RIMS2: variants seen among roughly 807,000 people sequenced by gnomAD.
The protein encoded by RIMS2 is regulating synaptic membrane exocytosis 2.
A neutral mutation model predicts 174.4 loss-of-function variants in RIMS2; 59 were observed. The ratio of observed to expected loss-of-function variants is 0.34; its 90% CI spans 0.27 to 0.42. The LOEUF (loss-of-function observed/expected upper bound fraction) is 0.42, where lower values mean the gene tolerates loss of function less well. Among genes scored for constraint, RIMS2 ranks in the 10% least tolerant of loss-of-function variants. The pLI, the probability that RIMS2 is intolerant of heterozygous loss-of-function variation, is 1.00. For synonymous variants in RIMS2, 606 were observed against 572.5 expected, an observed-to-expected ratio of 1.06 and a Z score of -0.84; for missense variants, 1,620 against 1,666.3, an observed-to-expected ratio of 0.97 and a Z score of 0.48.
chr8:103,659,419 T>C (rs16870611), intron 1 of RIMS2, among the ~76,000 whole-genome samples: 18,896 of 152,180 alleles, frequency 0.12, 1,275 homozygotes, highest in Middle Eastern at 0.22. Flanking sequence ...TCTGGGTCTG[T>C]TGGCAACACC....
chr8:103,754,878 T>G (rs1312897528), intron 2 of RIMS2, among the ~76,000 whole-genome samples: 3 of 152,210 alleles, frequency 2.0e-5, no homozygotes, highest in Non-Finnish European at 4.4e-5. Context: ...CTTGACTCTA[T>G]CCAATTTGCC....
At chr8:104,015,290 C>T (rs1249626320) in intron 19 of RIMS2, 1 of 470,250 alleles carries the variant, frequency 2.1e-6, no homozygotes, top group African/African-American at 2.0e-5. Context: ...AAGTTTAAAT[C>T]ATTTAACTTT....
At chr8:104,158,350 A>G (rs950288248) in intron 19 of RIMS2, among the ~76,000 whole-genome samples, 5 of 152,158 alleles carry the variant, frequency 3.3e-5, no homozygotes, top group South Asian at 2.1e-4. Flanking sequence ...TAGTGCCGCA[A>G]TAAACATATG....
intron 19 of RIMS2, among the ~76,000 whole-genome samples, chr8:104,188,613 G>C (rs999454408): frequency 3.3e-5 from 5 of 151,706 alleles, no homozygotes; most frequent in Non-Finnish European, 7.4e-5. Context: ...CAGAGATGTA[G>C]TATCCAAATT....
chr8:103,897,586 A>G (rs969594717), intron 4 of RIMS2, among the ~76,000 whole-genome samples: 4 of 151,518 alleles, frequency 2.6e-5, no homozygotes, highest in Admixed American at 1.3e-4. Context: ...GGCTTGTCCA[A>G]CCTTTCAGTT....
intron 19 of RIMS2, chr8:104,093,503 A>G (rs2097698596): frequency 6.3e-7 from 1 of 1,597,272 alleles, no homozygotes; most frequent in Non-Finnish European, 8.5e-7. Context: ...ATAGAGGGGC[A>G]GATAATGTTT....
At chr8:103,851,980 G>A (rs1410360974) in intron 3 of RIMS2, among the ~76,000 whole-genome samples, 2 of 151,552 alleles carry the variant, frequency 1.3e-5, no homozygotes, top group Admixed American at 1.3e-4. Context: ...GCTGCAAATC[G>A]TACTCGGGCA....
At chr8:103,865,284 C>CT (rs67300843) in intron 3 of RIMS2, among the ~76,000 whole-genome samples, 54,194 of 119,674 alleles carry the variant, frequency 0.45, 13,589 homozygotes, top group African/African-American at 0.54. Flanking sequence ...CAGTTTTTTT[C>CT]TTTTTTTTTT....
chr8:103,609,036 A>C (rs1022515714), intron 1 of RIMS2, among the ~76,000 whole-genome samples: 3 of 152,062 alleles, frequency 2.0e-5, no homozygotes, highest in Non-Finnish European at 4.4e-5. Flanking sequence ...TTGACTTTTT[A>C]ATAATATCTA....
At chr8:103,812,883 G>A (rs1056488651) in intron 3 of RIMS2, among the ~76,000 whole-genome samples, 7 of 152,152 alleles carry the variant, frequency 4.6e-5, no homozygotes, top group African/African-American at 1.7e-4. Context: ...TTGTTCTCTG[G>A]ACTGTCTTTC....
chr8:103,727,068 TATAA>T (rs1238962746), intron 2 of RIMS2, among the ~76,000 whole-genome samples: 3 of 151,816 alleles, frequency 2.0e-5, no homozygotes, highest in African/African-American at 7.2e-5. Flanking sequence ...ATTTTAAAAT[TATAA>T]ATAAAATATT....
chr8:103,505,054 A>T (rs970390287), intron 1 of RIMS2, among the ~76,000 whole-genome samples: 1 of 151,594 alleles, frequency 6.6e-6, no homozygotes, highest in African/African-American at 2.4e-5. Flanking sequence ...AGGTCTCCCT[A>T]TGTTGCCCAG....
At chr8:104,020,660 A>G (rs934791504) in intron 19 of RIMS2, among the ~76,000 whole-genome samples, 4 of 152,044 alleles carry the variant, frequency 2.6e-5, no homozygotes, top group Non-Finnish European at 4.4e-5. Context: ...AAATCACAGC[A>G]TGGATATTTT....
intron 1 of RIMS2, among the ~76,000 whole-genome samples, chr8:103,621,039 G>T (rs1262164890): frequency 2.0e-5 from 3 of 152,142 alleles, no homozygotes; most frequent in Non-Finnish European, 2.9e-5. Context: ...ACAGTAAATT[G>T]AAAAACATAG....
chr8:104,041,424 AT>A, intron 19 of RIMS2, 66 bp downstream of exon 22: 11 of 644,922 alleles, frequency 1.7e-5, no homozygotes, highest in South Asian at 7.0e-5. Flanking sequence ...ATGTTTAATC[AT>A]TTTTTTACTC....
chr8:103,668,855 A>G (rs1246197173), intron 1 of RIMS2, among the ~76,000 whole-genome samples: 4 of 151,876 alleles, frequency 2.6e-5, no homozygotes, highest in African/African-American at 9.7e-5. Flanking sequence ...TAGAGCTTTT[A>G]ATAATGGAGG....
At chr8:104,039,969 G>A (rs1233036300) in intron 19 of RIMS2, among the ~76,000 whole-genome samples, 1 of 151,460 alleles carries the variant, frequency 6.6e-6, no homozygotes, top group Non-Finnish European at 1.5e-5. Context: ...TAATAAAAAT[G>A]ATATTAAATT....
At chr8:104,222,017 C>A (rs563123824) in intron 19 of RIMS2, among the ~76,000 whole-genome samples, 1 of 152,316 alleles carries the variant, frequency 6.6e-6, no homozygotes, top group East Asian at 1.9e-4. Flanking sequence ...CAAACTCACT[C>A]TCTTCCTGGA....
intron 1 of RIMS2, among the ~76,000 whole-genome samples, chr8:103,601,781 C>G (rs1054483406): frequency 5.3e-5 from 8 of 151,620 alleles, no homozygotes; most frequent in Admixed American, 3.9e-4. Flanking sequence ...TTATGATTTA[C>G]TTTTTGCTTT....
Sources: gnomAD v4.1 joint callset for allele counts (sites outside exome capture counted in the v4.1 genomes callset) on GRCh38, gnomAD v4.1.1 for gene constraint, MANE v1.5 for transcripts, NCBI Gene and HGNC (gene_info 2026-07-23, HGNC 2026-07-21) for gene names.